Variants in DNAH14 observed in about 807,000 individuals in gnomAD.
DNAH14 encodes the protein axonemal beta dynein heavy chain 14.
DNAH14 carries 478 observed loss-of-function variants against 520.9 expected under a neutral mutation model. The observed-to-expected ratio is 0.92, with a 90% confidence interval of 0.85 to 0.99. The LOEUF (loss-of-function observed/expected upper bound fraction) is 0.99, where lower values mean the gene tolerates loss of function less well. Among genes scored for constraint, DNAH14 ranks in the 50% least tolerant of loss-of-function variants. The pLI is 0.00. For missense variants in DNAH14, 4,831 were observed against 5,234.5 expected, an observed-to-expected ratio of 0.92 and a Z score of 2.38; for synonymous variants, 1,581 against 1,757.2, an observed-to-expected ratio of 0.90 and a Z score of 2.51.
At chr1:225,153,319 T>C (rs1559118547) in intron 33 of DNAH14, among the ~76,000 whole-genome samples, 1 of 152,158 alleles carries the variant, frequency 6.6e-6, no homozygotes, top group Non-Finnish European at 1.5e-5. Flanking sequence ...TTTGTGTTTC[T>C]AACAAGTTTT....
At chr1:224,972,762 G>A (rs1198228084) in intron 7 of DNAH14, among the ~76,000 whole-genome samples, 1 of 152,086 alleles carries the variant, frequency 6.6e-6, no homozygotes, top group East Asian at 1.9e-4. Flanking sequence ...ACCGCGCTTG[G>A]CCAATTTTAT....
rs1018531817 is a variant in DNAH14 at position 225,303,346 on chromosome 1, A to G, written c.8822A>G (p.Glu2941Gly). Reference sequence around the variant, plus strand: ...GAAAAGGTCAATTTTGAGAACAGAGAGGTAAATATCTAATGCAAGTGAAGG... The same window carrying G: ...GAAAAGGTCAATTTTGAGAACAGAGGGGTAAATATCTAATGCAAGTGAAGG... Reference protein sequence around the residue: ...LKEKVNFENRENLKEKLAPTC... With the variant: ...LKEKVNFENRGNLKEKLAPTC... The change falls in exon 57 of 86, where the codon GAG becomes GGG. Residue 2941 changes from glutamate to glycine, a missense_variant and splice_region_variant. Physicochemically the swap from Glu to Gly is moderately conservative, Grantham distance 98. Coordinates refer to ENST00000682510, the MANE Select transcript of DNAH14 (RefSeq NM_001367479.1). 6.5e-7 allele frequency: 1 copy of G among 1,545,698 alleles called. No homozygotes were observed. Among genetic ancestry groups the G allele is most frequent in the Non-Finnish European group, 8.7e-7 (1 of 1,144,996 alleles).
At chr1:225,085,001 A>G (rs1016134797) in intron 20 of DNAH14, among the ~76,000 whole-genome samples, 2 of 152,046 alleles carry the variant, frequency 1.3e-5, no homozygotes, top group African/African-American at 4.8e-5. Flanking sequence ...TGATCCCACC[A>G]TCCTTAATAA....
intron 22 of DNAH14, 55 bp downstream of exon 22, chr1:225,097,294 ATTTTC>A: frequency 6.9e-7 from 1 of 1,441,768 alleles, no homozygotes; most frequent in Non-Finnish European, 9.3e-7. Context: ...TGAGTAATTT[ATTTTC>A]TTTAATTCTT....
intron 17 of DNAH14, among the ~76,000 whole-genome samples, chr1:225,070,456 A>T (rs1466087991): frequency 6.6e-6 from 1 of 152,078 alleles, no homozygotes; most frequent in Admixed American, 6.5e-5. Flanking sequence ...CCTTAATTTC[A>T]TTATTTACCC....
At chr1:225,170,876 A>T (rs892506795) in intron 36 of DNAH14, among the ~76,000 whole-genome samples, 9 of 152,226 alleles carry the variant, frequency 5.9e-5, no homozygotes, top group African/African-American at 1.4e-4. Flanking sequence ...GAAGTAAAGC[A>T]GTCCTCAGCA....
At chr1:225,272,181 G>A (rs1184766397) in intron 51 of DNAH14, 108 bp downstream of exon 51, 1 of 1,164,300 alleles carries the variant, frequency 8.6e-7, no homozygotes, top group African/African-American at 1.6e-5. Context: ...ATGAATGTTG[G>A]TTAGTTTTGC....
chr1:224,998,635 A>G (rs750048387), intron 8 of DNAH14, among the ~76,000 whole-genome samples: 41 of 150,488 alleles, frequency 2.7e-4, no homozygotes, highest in Admixed American at 1.4e-3. Context: ...TGATTTTTAA[A>G]AAATGTGTTG....
At chr1:225,218,202 C>T (rs945525191) in intron 41 of DNAH14, among the ~76,000 whole-genome samples, 3 of 152,184 alleles carry the variant, frequency 2.0e-5, no homozygotes, top group African/African-American at 7.2e-5. Context: ...ACTCCAAAAA[C>T]ATACCAAATT....
intron 79 of DNAH14, among the ~76,000 whole-genome samples, chr1:225,378,671 A>G (rs1265863962): frequency 2.6e-5 from 4 of 152,164 alleles, no homozygotes; most frequent in African/African-American, 9.7e-5. Context: ...TCACGAGGTC[A>G]GGAGTTCAAG....
intron 27 of DNAH14, among the ~76,000 whole-genome samples, chr1:225,132,975 T>C (rs1433866425): frequency 2.6e-5 from 4 of 152,232 alleles, no homozygotes; most frequent in African/African-American, 9.6e-5. Flanking sequence ...TAACAATTAG[T>C]AATGTTGAGG....
chr1:225,086,137 T>A (rs563962958), intron 21 of DNAH14, among the ~76,000 whole-genome samples: 9 of 151,024 alleles, frequency 6.0e-5, no homozygotes, highest in African/African-American at 2.2e-4. Flanking sequence ...TAATAATTAT[T>A]ATTATTATTT....
chr1:225,210,040 A>G (rs1427103459), intron 41 of DNAH14, among the ~76,000 whole-genome samples: 3 of 152,064 alleles, frequency 2.0e-5, no homozygotes, highest in Admixed American at 1.3e-4. Flanking sequence ...CTACACCACA[A>G]GGGCCTTGGG....
At chr1:225,015,943 G>T (rs1355506005) in intron 10 of DNAH14, among the ~76,000 whole-genome samples, 1 of 152,192 alleles carries the variant, frequency 6.6e-6, no homozygotes, top group Non-Finnish European at 1.5e-5. Flanking sequence ...GCACAGACAA[G>T]GAGAGGTCTC....
At chr1:225,180,807 C>T (rs1026606067) in intron 36 of DNAH14, among the ~76,000 whole-genome samples, 1 of 152,182 alleles carries the variant, frequency 6.6e-6, no homozygotes, top group South Asian at 2.1e-4. Context: ...TATTAAGACC[C>T]TCTAATGCAT....
chr1:225,286,063 C>T (rs2093733969), intron 54 of DNAH14, among the ~76,000 whole-genome samples: 1 of 152,168 alleles, frequency 6.6e-6, no homozygotes, highest in Non-Finnish European at 1.5e-5. Context: ...AAGAGAACTA[C>T]TGCATGTTCT....
chr1:225,076,124 C>T (rs2148529125), intron 17 of DNAH14, among the ~76,000 whole-genome samples: 1 of 152,260 alleles, frequency 6.6e-6, no homozygotes, highest in South Asian at 2.1e-4. Flanking sequence ...GGGCTTAAAG[C>T]CTGGGGTCAC....
At chr1:225,306,343 T>G (rs1202617212) in intron 58 of DNAH14, among the ~76,000 whole-genome samples, 1 of 152,184 alleles carries the variant, frequency 6.6e-6, no homozygotes, top group African/African-American at 2.4e-5. Context: ...AAGCTAATCT[T>G]GTTCTGTTTC....
chr1:225,025,348 A>C (rs1401295619), intron 11 of DNAH14, among the ~76,000 whole-genome samples: 2 of 150,936 alleles, frequency 1.3e-5, no homozygotes, highest in African/African-American at 4.9e-5. Context: ...ATATATATAT[A>C]TATGTTTTGT....
Sources: gnomAD v4.1 joint callset for allele counts (sites outside exome capture counted in the v4.1 genomes callset) on GRCh38, gnomAD v4.1.1 for gene constraint, MANE v1.5 for transcripts, NCBI Gene and HGNC (gene_info 2026-07-23, HGNC 2026-07-21) for gene names.